The following PIK3CD variants were observed in gnomAD, a reference collection of about 807,000 sequenced individuals.
PIK3CD encodes phosphatidylinositol 4,5-bisphosphate 3-kinase catalytic subunit delta isoform.
PIK3CD carries 20 observed loss-of-function variants against 122.9 expected under a neutral mutation model. The observed-to-expected ratio is 0.16, with a 90% CI of 0.11 to 0.24. The LOEUF is 0.24. PIK3CD is among the 10% of genes least tolerant of loss of function. The pLI is 1.00. For missense variants in PIK3CD, 787 were observed against 1,406.3 expected (o/e 0.56, Z 7.04); for synonymous variants, 596 against 593.4 (o/e 1.00, Z -0.06).
upstream of PIK3CD, among the ~76,000 whole-genome samples, chr1:9,649,896 C>T (rs531076022): frequency 2.5e-4 from 38 of 152,318 alleles, no homozygotes; most frequent in Non-Finnish European, 3.8e-4. Context: ...GCTGTCTCCC[C>T]GAGCCTCTCA....
chr1:9,644,801 T>C, the PIK3CD span, among the ~76,000 whole-genome samples: 5 of 152,024 alleles, frequency 3.3e-5, no homozygotes, highest in African/African-American at 1.2e-4. Context: ...CCAACATGCA[T>C]TACTTACATC....
At chr1:9,654,191 T>C (rs1197139661) in intron 1 of PIK3CD, 1 of 1,362,112 alleles carries the variant, frequency 7.3e-7, no homozygotes, top group African/African-American at 1.5e-5. Context: ...TTGGCCACAC[T>C]ACTCACTTAG....
intron 3 of PIK3CD, among the ~76,000 whole-genome samples, chr1:9,711,347 G>A (rs1416453430): frequency 2.0e-5 from 3 of 152,174 alleles, no homozygotes; most frequent in African/African-American, 4.8e-5. Flanking sequence ...CACCCGCTTC[G>A]GCCTCTTAAA....
intron 1 of PIK3CD, among the ~76,000 whole-genome samples, chr1:9,667,529 A>T (rs1225545112): frequency 6.6e-6 from 1 of 150,394 alleles, no homozygotes; most frequent in East Asian, 2.0e-4. Context: ...GGCTCACGCC[A>T]CCACGCCCGG....
chr1:9,681,041 A>G (rs1348318988), intron 1 of PIK3CD: 3 of 151,972 alleles, frequency 2.0e-5, no homozygotes, highest in Non-Finnish European at 4.4e-5. Flanking sequence ...TTGGCCAGAT[A>G]TCTCAGTTCC....
Position 9,724,749 on chromosome 1 carries a change from CTGGCCTG to C in PIK3CD, c.2865-50_2865-44del. ...GGCTGGTTGGATGCAGAGCGGCCCT[CTGGCCTG>C]TGGCTGGGAGTTCCCAGAGCCTCAC... On this transcript the variant is annotated intron_variant, in intron 22 of 23. Transcript: ENST00000377346. The surrounding 1 kb of genome is among the most constrained non-coding windows in gnomAD (Gnocchi z 7.3). The C allele has an allele frequency of 6.2e-7, 1 of 1,610,782 alleles. No homozygotes were observed. Among genetic ancestry groups the C allele is most frequent in the Non-Finnish European group, 8.5e-7 (1 of 1,179,092 alleles).
intron 1 of PIK3CD, among the ~76,000 whole-genome samples, chr1:9,666,029 C>T (rs1057186161): frequency 2.6e-5 from 4 of 152,062 alleles, no homozygotes; most frequent in African/African-American, 9.7e-5. Flanking sequence ...TGGCTTCAAG[C>T]GATTCTCCTG....
intron 2 of PIK3CD, among the ~76,000 whole-genome samples, chr1:9,708,300 G>A (rs967757720): frequency 2.9e-4 from 44 of 152,024 alleles, no homozygotes; most frequent in African/African-American, 1.0e-3. Flanking sequence ...TCATGCCTCA[G>A]CCTCCCGAGT....
At chr1:9,627,597 G>A in the PIK3CD span, among the ~76,000 whole-genome samples, 1 of 152,340 alleles carries the variant, frequency 6.6e-6, no homozygotes, top group Non-Finnish European at 1.5e-5. Flanking sequence ...TGTGTACTGA[G>A]TTCTCATCCA....
chr1:9,659,851 A>G (rs1375511396), intron 1 of PIK3CD, among the ~76,000 whole-genome samples: 1 of 152,048 alleles, frequency 6.6e-6, no homozygotes, highest in Non-Finnish European at 1.5e-5. Context: ...CCCTGATTCA[A>G]GCAATTCTCC....
the PIK3CD span, among the ~76,000 whole-genome samples, chr1:9,635,806 T>C: frequency 6.6e-6 from 1 of 152,234 alleles, no homozygotes; most frequent in Non-Finnish European, 1.5e-5. Context: ...CCAAGTGCAT[T>C]CCTAAAGGAG....
Position 9,718,687 on chromosome 1 carries a change from T to A in PIK3CD, c.1021-7T>A. ...CTCCTCACCCATCATCCCGGCACCT[T>A]CTACAGCTGGTGGTGCAGGCCGGGC... On this transcript the variant is annotated splice_polypyrimidine_tract_variant and splice_region_variant and intron_variant, in intron 8 of 23. Transcript: ENST00000377346. This position sits in a 1 kb window ranked among gnomAD's most constrained non-coding sequence, Gnocchi z 7.2. The A allele has an allele frequency of 1.2e-6, 2 of 1,601,398 alleles. No individual in the cohort carries two copies.
At chr1:9,676,694 AC>A (rs537074282) in intron 1 of PIK3CD, among the ~76,000 whole-genome samples, 1 of 151,958 alleles carries the variant, frequency 6.6e-6, no homozygotes, top group Non-Finnish European at 1.5e-5. Context: ...ACCTAAACCC[AC>A]TTCCTTCCCC....
In PIK3CD at chr1:9,691,538, G is replaced by A. The variant is rs1302707913; in HGVS notation, c.-66G>A. On this transcript the variant is annotated 5_prime_UTR_variant, in exon 2 of 24. Transcript: ENST00000377346. ...ATCTTTAATCTGCCAGGCGGAGGGGGCTTTGCTGGTCTTTCTTGGACTATT... is the reference window on the plus strand; with the variant it reads ...ATCTTTAATCTGCCAGGCGGAGGGGACTTTGCTGGTCTTTCTTGGACTATT... 1.3e-5 allele frequency: 5 copies of A among 398,508 alleles called. No homozygotes were observed. Among genetic ancestry groups the A allele is most frequent in the East Asian group, 7.1e-5 (2 of 28,096 alleles). 24.7% of individuals were successfully genotyped at this position (398,508 alleles called of 1,614,324 possible).
Position 9,717,059 on chromosome 1 carries a change from C to T in PIK3CD, c.881C>T (p.Pro294Leu). 6.2e-7 allele frequency: 1 copy of T among 1,613,994 alleles called. No homozygotes were observed. Among genetic ancestry groups the T allele is most frequent in the Non-Finnish European group, 8.5e-7 (1 of 1,180,034 alleles). ...AMRDEQSNPA[P>L]QVQKPRAKPP... is the part of the protein sequence containing the mutation. ...CGGGATGAGCAGAGCAACCCTGCCCCCCAGGTCCAGAAACCGCGTGCCAAA... is the reference window on the plus strand; with the variant it reads ...CGGGATGAGCAGAGCAACCCTGCCCTCCAGGTCCAGAAACCGCGTGCCAAA... The change falls in exon 7 of 24, where the codon CCC (proline) becomes CTC (leucine). Residue 294 changes from proline to leucine, a missense_variant. By Grantham distance (98) the Pro-to-Leu change is moderately conservative. This residue lies in a region of PIK3CD where 592 missense variants were observed against 920.6 expected (regional missense o/e 0.64). Coordinates refer to ENST00000377346, the MANE Select transcript of PIK3CD (RefSeq NM_005026.5). This position sits in a 1 kb window ranked among gnomAD's most constrained non-coding sequence, Gnocchi z 5.4.
chr1:9,660,471 G>T (rs1557594789), intron 1 of PIK3CD, among the ~76,000 whole-genome samples: 1 of 152,112 alleles, frequency 6.6e-6, no homozygotes, highest in African/African-American at 2.4e-5. Flanking sequence ...TTTCCACATT[G>T]CTTCATAACC....
Position 9,723,510 on chromosome 1 carries a change from G to A in PIK3CD, c.2594+218G>A, listed in dbSNP as rs1649018902. On this transcript the variant is annotated intron_variant, in intron 20 of 23. Transcript: ENST00000377346. The surrounding 1 kb of genome is among the most constrained non-coding windows in gnomAD (Gnocchi z 4.9). ...GCTATGCAACACCATCCAAAGCGCA[G>A]GGCTTTAAAAAACAGCCATTTACGA... Among the ~76,000 whole-genome samples the A allele has an allele frequency of 6.6e-6, 1 of 152,146 alleles. No homozygotes were observed. Among genetic ancestry groups the A allele is most frequent in the Non-Finnish European group, 1.5e-5 (1 of 68,020 alleles).
At chr1:9,664,495 A>G (rs117784387) in intron 1 of PIK3CD, among the ~76,000 whole-genome samples, 1 of 152,188 alleles carries the variant, frequency 6.6e-6, no homozygotes, top group East Asian at 1.9e-4. Context: ...CCCTGCACAG[A>G]TACAGGGGGT....
chr1:9,721,647 G>T, intron 15 of PIK3CD, 60 bp downstream of exon 15: 9 of 1,609,814 alleles, frequency 5.6e-6, no homozygotes, highest in Non-Finnish European at 7.6e-6. Flanking sequence ...TCCCTGGAAG[G>T]CCACTGGGGA....
Sources: allele counts gnomAD v4.1 joint callset (sites outside exome capture counted in the v4.1 genomes callset), GRCh38; gene constraint gnomAD v4.1.1; regional missense constraint gnomAD v4.1.1; non-coding constraint Gnocchi (gnomAD v3.1); transcripts MANE v1.5; gene names NCBI Gene and HGNC (gene_info 2026-07-23, HGNC 2026-07-21).